The following UTRN variants were observed in gnomAD, a reference collection of about 807,000 sequenced individuals.
UTRN encodes dystrophin-related protein 1.
A neutral mutation model predicts 463.9 loss-of-function variants in UTRN; 283 were observed. The observed-to-expected ratio is 0.61, with a 90% CI of 0.55 to 0.67. The LOEUF is 0.67. Ranked by LOEUF, UTRN falls within the 30% of genes least tolerant of loss-of-function variation. The pLI is 0.00. For synonymous variants in UTRN, 1,442 were observed against 1,431.5 expected, an observed-to-expected ratio of 1.01 and a Z score of -0.17; for missense variants, 3,922 against 4,084.3, an observed-to-expected ratio of 0.96 and a Z score of 1.08.
At chr6:144,551,587 A>G (rs1365024304) in intron 48 of UTRN, among the ~76,000 whole-genome samples, 1 of 152,218 alleles carries the variant, frequency 6.6e-6, no homozygotes, top group African/African-American at 2.4e-5. Context: ...ACAACAAAAA[A>G]TAAACATACA....
In UTRN at chr6:144,789,401, T is replaced by C. The variant is rs1163880988; in HGVS notation, c.8920+122T>C. On this transcript the variant is annotated intron_variant, in intron 62 of 74. Coordinates refer to ENST00000367545, the MANE Select transcript of UTRN (RefSeq NM_007124.3). ...ATAGTTCTCTCTCTTTTTTTAACCC[T>C]TACTGTGCCTATACCAAGTTAGACA... 10 of 814,044 alleles carry C rather than the reference T, an allele frequency of 1.2e-5. No individual in the cohort carries two copies. In the Admixed American group the frequency reaches 2.9e-4, roughly 23 times the overall value. The allele number at this position is 814,044 out of a possible 1,614,324, so 50.4% of individuals were successfully genotyped here.
intron 51 of UTRN, among the ~76,000 whole-genome samples, chr6:144,639,737 A>G (rs1027032167): frequency 8.6e-5 from 13 of 151,882 alleles, no homozygotes; most frequent in Non-Finnish European, 1.3e-4. Context: ...TGAATCATGA[A>G]GCTGTATAAA....
intron 53 of UTRN, among the ~76,000 whole-genome samples, chr6:144,716,234 T>C (rs1363720366): frequency 2.0e-5 from 3 of 151,016 alleles, no homozygotes; most frequent in African/African-American, 2.5e-5. Context: ...TTTTAAAATA[T>C]AGCTTTTTTT....
chr6:144,345,005 G>T (rs1406445429), intron 2 of UTRN, among the ~76,000 whole-genome samples: 1 of 152,146 alleles, frequency 6.6e-6, no homozygotes, highest in East Asian at 1.9e-4. Flanking sequence ...AGCTTTTGGA[G>T]GGGAAAAACC....
chr6:144,320,087 C>G (rs1042447512), intron 2 of UTRN, among the ~76,000 whole-genome samples: 1 of 149,582 alleles, frequency 6.7e-6, no homozygotes, highest in Non-Finnish European at 1.5e-5. Context: ...CTCCTGACCT[C>G]GTGATCCGCC....
chr6:144,544,025 A>G (rs1000593350), intron 46 of UTRN, among the ~76,000 whole-genome samples: 1 of 152,204 alleles, frequency 6.6e-6, no homozygotes, highest in Admixed American at 6.5e-5. Flanking sequence ...TGCATTTTAT[A>G]AAATCGTCAT....
At chr6:144,584,394 A>G (rs77972886) in intron 51 of UTRN, among the ~76,000 whole-genome samples, 1 of 152,168 alleles carries the variant, frequency 6.6e-6, no homozygotes, top group Non-Finnish European at 1.5e-5. Context: ...AGCAATTTTT[A>G]CACTACCGCA....
rs77484332 is a variant in UTRN, at chr6:144,488,637, T to C, written c.3973-36T>C. On this transcript the variant is annotated intron_variant, in intron 29 of 74. Coordinates refer to ENST00000367545, the MANE Select transcript of UTRN (RefSeq NM_007124.3). ...ATATATTCTGCTATTTATATTTGTG[T>C]TGGGCAACTAATGATTCAATTTCTC... 2.9e-4 allele frequency: 460 copies of C among 1,599,704 alleles called. 3 individuals carry two copies. In the African/African-American group the frequency reaches 5.6e-3, roughly 20 times the overall value.
chr6:144,458,284 A>G (rs916136595), intron 19 of UTRN, among the ~76,000 whole-genome samples: 6 of 152,286 alleles, frequency 3.9e-5, no homozygotes, highest in African/African-American at 1.2e-4. Context: ...AGCATAAGGC[A>G]TCCTCGCCAT....
At chr6:144,578,259 T>C (rs2128625212) in intron 51 of UTRN, among the ~76,000 whole-genome samples, 1 of 152,314 alleles carries the variant, frequency 6.6e-6, no homozygotes, top group Middle Eastern at 3.4e-3. Context: ...TTGTCAACCA[T>C]AGTATTACAT....
chr6:144,426,924 A>G (rs2114860510), intron 7 of UTRN, among the ~76,000 whole-genome samples: 1 of 152,354 alleles, frequency 6.6e-6, no homozygotes, highest in Non-Finnish European at 1.5e-5. Context: ...TAGACTTCTG[A>G]GGAAGAATCA....
In UTRN at chr6:144,482,408, GTTGTTATTA is replaced by G. The variant is rs751768007; in HGVS notation, c.3687+23_3687+31del. 6.3e-5 allele frequency: 72 copies of G among 1,139,888 alleles called. No individual in the cohort carries two copies. Among genetic ancestry groups the G allele is most frequent in the African/African-American group, 1.1e-4 (6 of 52,354 alleles). The allele number at this position is 1,139,888 out of a possible 1,614,324, so 70.6% of individuals were successfully genotyped here. Reference sequence around the variant, plus strand: ...CTAGAGGTATGCTATTATTATTATTGTTGTTATTATTATTATTATTATTATTATTATTAT... The same window carrying G: ...CTAGAGGTATGCTATTATTATTATTGTTATTATTATTATTATTATTATTAT... On this transcript the variant is annotated intron_variant, in intron 27 of 74. Coordinates refer to ENST00000367545, the MANE Select transcript of UTRN (RefSeq NM_007124.3).
intron 2 of UTRN, among the ~76,000 whole-genome samples, chr6:144,333,612 G>T (rs1776494339): frequency 6.6e-6 from 1 of 152,070 alleles, no homozygotes; most frequent in Non-Finnish European, 1.5e-5. Flanking sequence ...TTTCCCATTG[G>T]ATCTTCTGCA....
chr6:144,291,246 T>C (rs1476835898), intron 1 of UTRN, among the ~76,000 whole-genome samples: 2 of 152,250 alleles, frequency 1.3e-5, no homozygotes, highest in Non-Finnish European at 2.9e-5. Context: ...CACTTGTCTC[T>C]TGGCTGTCTT....
At chr6:144,295,637 G>A (rs1254464335) in intron 2 of UTRN, among the ~76,000 whole-genome samples, 3 of 152,090 alleles carry the variant, frequency 2.0e-5, no homozygotes, top group Non-Finnish European at 2.9e-5. Context: ...AACCTTAAAC[G>A]CCCTATAACC....
intron 51 of UTRN, among the ~76,000 whole-genome samples, chr6:144,663,744 C>T (rs1378603192): frequency 1.3e-5 from 2 of 152,176 alleles, no homozygotes; most frequent in African/African-American, 4.8e-5. Flanking sequence ...ATCATAACAA[C>T]ACAGAGAGAA....
At chr6:144,465,775 T>C (rs1212606953) in intron 23 of UTRN, among the ~76,000 whole-genome samples, 3 of 152,198 alleles carry the variant, frequency 2.0e-5, no homozygotes, top group Non-Finnish European at 4.4e-5. Flanking sequence ...TTTCCCTTTT[T>C]CAATGACCTG....
chr6:144,833,807 C>G (rs1033534924), intron 69 of UTRN, among the ~76,000 whole-genome samples: 7 of 152,212 alleles, frequency 4.6e-5, no homozygotes, highest in African/African-American at 1.7e-4. Flanking sequence ...TTACAGCTTG[C>G]TTCTGCCCCG....
intron 51 of UTRN, among the ~76,000 whole-genome samples, chr6:144,609,325 A>G (rs1330015657): frequency 6.6e-6 from 1 of 152,230 alleles, no homozygotes; most frequent in Non-Finnish European, 1.5e-5. Flanking sequence ...ATTTAAAGTC[A>G]AAAACCATAA....
Sources: allele counts gnomAD v4.1 joint callset (sites outside exome capture counted in the v4.1 genomes callset), GRCh38; gene constraint gnomAD v4.1.1; transcripts MANE v1.5; gene names NCBI Gene and HGNC (gene_info 2026-07-23, HGNC 2026-07-21).